FHIT: variants seen among roughly 807,000 people sequenced by gnomAD.
FHIT encodes the protein bis(5'-adenosyl)-triphosphatase.
Under a neutral mutation model 17.9 loss-of-function variants are expected in FHIT, and 19 were observed. The observed-to-expected ratio is 1.06, with a 90% CI of 0.74 to 1.56. The LOEUF (loss-of-function observed/expected upper bound fraction) is 1.56, where lower values mean the gene tolerates loss of function less well. Among genes scored for constraint, FHIT ranks in the 40% most tolerant of loss-of-function variants. The pLI is 0.00. For synonymous variants in FHIT, 81 were observed against 69.7 expected (o/e 1.16, Z -0.81); for missense variants, 248 against 189.2 (o/e 1.31, Z -1.82).
At chr3:60,078,920 CTA>C (rs1219687537) in intron 5 of FHIT, among the ~76,000 whole-genome samples, 1 of 150,492 alleles carries the variant, frequency 6.6e-6, no homozygotes, top group Non-Finnish European at 1.5e-5. Context: ...TTTTGCAACT[CTA>C]AAATTATTTC....
At chr3:60,223,044 G>A (rs540072375) in intron 5 of FHIT, among the ~76,000 whole-genome samples, 10 of 152,200 alleles carry the variant, frequency 6.6e-5, no homozygotes, top group East Asian at 3.9e-4. Context: ...ATACCCATAC[G>A]TATGCATTTA....
chr3:59,894,618 C>G (rs527957448), intron 8 of FHIT, among the ~76,000 whole-genome samples: 1 of 152,254 alleles, frequency 6.6e-6, no homozygotes, highest in East Asian at 1.9e-4. Context: ...ACTGGATAGA[C>G]TCTACCACCA....
intron 5 of FHIT, among the ~76,000 whole-genome samples, chr3:60,210,895 TG>T (rs1290740181): frequency 3.3e-5 from 5 of 152,090 alleles, no homozygotes; most frequent in Non-Finnish European, 1.5e-5. Context: ...ATTGCACTTC[TG>T]GGAGTCTATC....
chr3:61,063,042 G>A (rs962991810), intron 2 of FHIT, among the ~76,000 whole-genome samples: 1 of 151,966 alleles, frequency 6.6e-6, no homozygotes, highest in African/African-American at 2.4e-5. Flanking sequence ...GGTGGATCAC[G>A]AGGTCAGGAG....
chr3:60,577,043 G>C (rs183636733), intron 4 of FHIT, among the ~76,000 whole-genome samples: 5 of 151,628 alleles, frequency 3.3e-5, no homozygotes, highest in African/African-American at 1.2e-4. Flanking sequence ...TTAAAATAGA[G>C]ATCTAATTAT....
chr3:59,856,819 C>A (rs1702176219), intron 8 of FHIT, among the ~76,000 whole-genome samples: 1 of 151,246 alleles, frequency 6.6e-6, no homozygotes, highest in Non-Finnish European at 1.5e-5. Context: ...TAACAGTAAG[C>A]AATAATAAGT....
At chr3:60,009,334 T>A (rs1700053641) in intron 7 of FHIT, among the ~76,000 whole-genome samples, 1 of 152,080 alleles carries the variant, frequency 6.6e-6, no homozygotes, top group Admixed American at 6.6e-5. Flanking sequence ...AACTGAAAGA[T>A]GTGCAAAACA....
chr3:60,865,933 A>G (rs1704138596), intron 3 of FHIT, among the ~76,000 whole-genome samples: 1 of 152,134 alleles, frequency 6.6e-6, no homozygotes, highest in Non-Finnish European at 1.5e-5. Context: ...TTTTGCACAC[A>G]ATTGTAGATT....
intron 5 of FHIT, among the ~76,000 whole-genome samples, chr3:60,181,200 C>A (rs1334080695): frequency 1.4e-5 from 2 of 142,662 alleles, no homozygotes; most frequent in African/African-American, 2.7e-5. Flanking sequence ...GGCTGGAGTG[C>A]AGTGGTACAA....
rs144245455 is a variant in FHIT, at chr3:60,835,991, T to A, written c.-110-13980A>T. Among the ~76,000 whole-genome samples the A allele has an allele frequency of 1.0e-3, 159 of 152,308 alleles. 1 individual carries two copies. The highest frequency in any genetic ancestry group is 3.7e-3 in the African/African-American group (155 of 41,590). The stretch of plus-strand genomic sequence containing the variant: ...TTAGTGTTTTCTGTGTAGAAAATCA[T>A]GACATCAGCAAATATTAACAGTTTT... On this transcript the variant is annotated intron_variant, in intron 3 of 9. Coordinates refer to ENST00000492590, the MANE Select transcript of FHIT (RefSeq NM_002012.4).
intron 3 of FHIT, among the ~76,000 whole-genome samples, chr3:60,925,040 C>G (rs1293322484): frequency 6.6e-6 from 1 of 152,284 alleles, no homozygotes; most frequent in African/African-American, 2.4e-5. Flanking sequence ...ACAAAGCCTA[C>G]AAGAAATATG....
chr3:59,752,775 C>G (rs1434977031), intron 8 of FHIT, among the ~76,000 whole-genome samples: 2 of 152,152 alleles, frequency 1.3e-5, no homozygotes, highest in Non-Finnish European at 2.9e-5. Context: ...GAAGACGTGC[C>G]TGCTTTCCCT....
chr3:60,356,216 G>A (rs188795373), intron 5 of FHIT, among the ~76,000 whole-genome samples: 6 of 152,236 alleles, frequency 3.9e-5, no homozygotes, highest in Non-Finnish European at 5.9e-5. Context: ...CTATAACAAC[G>A]CTGCAAAAGT....
intron 5 of FHIT, among the ~76,000 whole-genome samples, chr3:60,407,028 C>G (rs1401975243): frequency 6.9e-6 from 1 of 144,230 alleles, no homozygotes; most frequent in Non-Finnish European, 1.5e-5. Context: ...CTCCTATATC[C>G]TTTAGTCTAT....
chr3:60,939,378 G>A (rs1250662094), intron 3 of FHIT, among the ~76,000 whole-genome samples: 1 of 152,044 alleles, frequency 6.6e-6, no homozygotes, highest in East Asian at 1.9e-4. Context: ...GAGTAGTTGT[G>A]ACCATACTAC....
intron 5 of FHIT, among the ~76,000 whole-genome samples, chr3:60,033,689 C>T (rs960838887): frequency 4.6e-5 from 7 of 152,080 alleles, no homozygotes; most frequent in African/African-American, 1.4e-4. Context: ...TGGCAAAATC[C>T]GAATGACATT....
chr3:60,150,801 C>G (rs1487979995), intron 5 of FHIT, among the ~76,000 whole-genome samples: 4 of 152,024 alleles, frequency 2.6e-5, no homozygotes, highest in Non-Finnish European at 5.9e-5. Context: ...TGCCTGTAGT[C>G]CCAGCTACTT....
At chr3:60,029,735 G>T (rs911638177) in intron 5 of FHIT, among the ~76,000 whole-genome samples, 3 of 152,278 alleles carry the variant, frequency 2.0e-5, no homozygotes, top group Non-Finnish European at 4.4e-5. Flanking sequence ...CCAGGTGAAG[G>T]AAGACAAAGG....
chr3:61,086,148 G>T (rs945159372), intron 2 of FHIT, among the ~76,000 whole-genome samples: 1 of 152,028 alleles, frequency 6.6e-6, no homozygotes, highest in African/African-American at 2.4e-5. Flanking sequence ...GAACAGCAGT[G>T]GTGAGAACAG....
Sources: allele counts gnomAD v4.1 joint callset (sites outside exome capture counted in the v4.1 genomes callset), GRCh38; gene constraint gnomAD v4.1.1; transcripts MANE v1.5; gene names NCBI Gene and HGNC (gene_info 2026-07-23, HGNC 2026-07-21).